The following ANK3 variants were observed in gnomAD, a reference collection of about 807,000 sequenced individuals.
ANK3 encodes ankyrin-3.
ANK3 carries 57 observed loss-of-function variants against 370.9 expected under a neutral mutation model. The observed-to-expected ratio is 0.15, with a 90% CI of 0.12 to 0.19. ANK3 has a LOEUF of 0.19. ANK3 is among the 10% of genes least tolerant of loss of function. The probability of loss-of-function intolerance (pLI) is 1.00; values close to 1 mark genes in which losing one functional copy is unlikely to be tolerated. For synonymous variants in ANK3, 1,929 were observed against 1,946.3 expected (o/e 0.99, Z 0.23); for missense variants, 4,439 against 5,302.1 (o/e 0.84, Z 5.06).
chr10:60,441,849 C>A (rs1263448708), intron 2 of ANK3, among the ~76,000 whole-genome samples: 1 of 152,036 alleles, frequency 6.6e-6, no homozygotes, highest in Non-Finnish European at 1.5e-5. Flanking sequence ...ATAAACTAAC[C>A]AAGAGAATTT....
intron 1 of ANK3, among the ~76,000 whole-genome samples, chr10:60,640,371 T>C (rs570116242): frequency 0.012 from 1,840 of 147,942 alleles, 37 homozygotes; most frequent in African/African-American, 0.044. Flanking sequence ...TTGATGAACA[T>C]TGATGCAAAA....
rs1421895509 is a variant in ANK3, at chr10:60,053,771, T to G, written c.13065+1887A>C. On this transcript the variant is annotated intron_variant, in intron 42 of 43. Coordinates refer to ENST00000280772, the MANE Select transcript of ANK3 (RefSeq NM_020987.5). ...AAAAGGGGGCTGTTTTCTGAGATCA[T>G]ACATCAGATGACCTAGTTGGTTGCT... 18 of 1,293,268 alleles carry G rather than the reference T, an allele frequency of 1.4e-5. No individual in the cohort carries two copies. In the Admixed American group the frequency reaches 3.5e-4, roughly 25 times the overall value. The allele number at this position is 1,293,268 out of a possible 1,614,324, so 80.1% of individuals were successfully genotyped here.
At chr10:60,732,154 G>A (rs58881788) in intron 1 of ANK3, among the ~76,000 whole-genome samples, 2,350 of 151,774 alleles carry the variant, frequency 0.015, 67 homozygotes, top group African/African-American at 0.054. Flanking sequence ...ATTCTTCTGC[G>A]AAAATAGTTA....
At chr10:60,407,414 C>A (rs1052105667) in intron 2 of ANK3, among the ~76,000 whole-genome samples, 4 of 152,154 alleles carry the variant, frequency 2.6e-5, no homozygotes, top group Non-Finnish European at 5.9e-5. Flanking sequence ...CCATTTCTCA[C>A]TTAATTAATA....
At chr10:60,210,238 C>A (rs1266478585) in intron 9 of ANK3, among the ~76,000 whole-genome samples, 1 of 152,084 alleles carries the variant, frequency 6.6e-6, no homozygotes, top group African/African-American at 2.4e-5. Context: ...AGCAAGTAAA[C>A]AAGCATATAA....
At chr10:60,262,639 A>C (rs541055735) in intron 6 of ANK3, among the ~76,000 whole-genome samples, 24 of 152,326 alleles carry the variant, frequency 1.6e-4, no homozygotes, top group Admixed American at 4.6e-4. Flanking sequence ...CTAATTTGTT[A>C]GCAAGCTTCT....
chr10:60,703,492 G>A (rs915738048), intron 1 of ANK3, among the ~76,000 whole-genome samples: 1 of 152,084 alleles, frequency 6.6e-6, no homozygotes, highest in Non-Finnish European at 1.5e-5. Context: ...GATTTTGTAT[G>A]TTTTAAATTG....
chr10:60,189,340 G>A (rs2096422061), intron 16 of ANK3, among the ~76,000 whole-genome samples: 2 of 152,140 alleles, frequency 1.3e-5, no homozygotes, highest in African/African-American at 2.4e-5. Flanking sequence ...AACTCTGAGA[G>A]AGACAGAGAG....
intron 1 of ANK3, among the ~76,000 whole-genome samples, chr10:60,314,906 G>C (rs529730163): frequency 2.6e-5 from 4 of 152,164 alleles, no homozygotes; most frequent in African/African-American, 9.7e-5. Context: ...TTGTGTTCTG[G>C]ATCTCAGAGT....
chr10:60,308,364 A>G (rs2045625878), intron 1 of ANK3, among the ~76,000 whole-genome samples: 1 of 127,926 alleles, frequency 7.8e-6, no homozygotes, highest in Non-Finnish European at 1.5e-5. Flanking sequence ...CCGTGGCATG[A>G]TCTCGGCTCA....
rs150193590 is a variant in ANK3, at chr10:60,486,727, C to A, written c.96+128459G>T. On this transcript the variant is annotated intron_variant, in intron 2 of 43. Coordinates refer to the ANK3 transcript ENST00000373827. ...CTTAAGACATTCCAAGCCATGGAATCTTAAGCTAAGAAATAAAAGTTTAAC... is the reference window on the plus strand; with the variant it reads ...CTTAAGACATTCCAAGCCATGGAATATTAAGCTAAGAAATAAAAGTTTAAC... Among the ~76,000 whole-genome samples, 331 of 152,258 alleles carry A rather than the reference C, an allele frequency of 2.2e-3. 2 individuals are homozygous for A. The highest frequency in any genetic ancestry group is 7.6e-3 in the African/African-American group (314 of 41,562).
intron 42 of ANK3, among the ~76,000 whole-genome samples, chr10:60,048,959 C>T (rs2131887382): frequency 6.6e-6 from 1 of 152,310 alleles, no homozygotes; most frequent in East Asian, 1.9e-4. Flanking sequence ...GTTCCCATGT[C>T]ATATTCACCA....
intron 1 of ANK3, among the ~76,000 whole-genome samples, chr10:60,384,494 C>T (rs1261499301): frequency 1.3e-5 from 2 of 152,138 alleles, no homozygotes; most frequent in African/African-American, 2.4e-5. Flanking sequence ...CCATATACTA[C>T]ATACCTTGTA....
chr10:60,099,307 T>C (rs1403783668), intron 28 of ANK3, among the ~76,000 whole-genome samples: 1 of 152,202 alleles, frequency 6.6e-6, no homozygotes, highest in African/African-American at 2.4e-5. Flanking sequence ...CAACAGACTA[T>C]GATGAACTGA....
At chr10:60,527,812 G>A (rs1456861940) in intron 2 of ANK3, among the ~76,000 whole-genome samples, 1 of 152,092 alleles carries the variant, frequency 6.6e-6, no homozygotes. Context: ...AAGCATTTCA[G>A]GGAAAAGCTG....
At chr10:60,325,939 C>T (rs542319377) in intron 1 of ANK3, among the ~76,000 whole-genome samples, 2 of 152,178 alleles carry the variant, frequency 1.3e-5, no homozygotes, top group Non-Finnish European at 2.9e-5. Flanking sequence ...CCATGGGATA[C>T]TATGCAGCCA....
chr10:60,186,764 A>G lies in ANK3; in HGVS notation c.2036T>C (p.Met679Thr). ...HLAAQEGHVDMVSLLLGRNAN... is the reference protein window; with the variant it reads ...HLAAQEGHVDTVSLLLGRNAN... ...ATTTCTACCGAGGAGCAGCGACACC[A>G]TGTCCACGTGCCCTTCCTGAGCTGC... is the stretch of plus-strand genomic sequence containing the variant. Residue 679 changes from methionine (M) to threonine (T), a missense_variant, in exon 17 of 44, where the codon ATG becomes ACG. By Grantham distance (81) the Met-to-Thr change is moderately conservative. Around this residue, in one of 13 missense-constraint regions of ANK3, gnomAD observed 192 missense variants for 192.1 expected, o/e 1.00. Transcript: ENST00000280772. The G allele has an allele frequency of 6.2e-7, 1 of 1,614,152 alleles. No individual in the cohort carries two copies. Among genetic ancestry groups the G allele is most frequent in the South Asian group, 1.1e-5 (1 of 91,084 alleles).
chr10:60,588,750 TA>T (rs71018910), intron 2 of ANK3, among the ~76,000 whole-genome samples: 102,098 of 150,904 alleles, frequency 0.68, 35,209 homozygotes, highest in South Asian at 0.88. Flanking sequence ...CTACAGAAAA[TA>T]AAAAAAAACA....
chr10:60,053,822 G>A, intron 42 of ANK3: 3 of 1,000,476 alleles, frequency 3.0e-6, no homozygotes, highest in Admixed American at 2.9e-5. Flanking sequence ...AGCCACAAAC[G>A]ATACATCCTA....
Sources: gnomAD v4.1 joint callset for allele counts (sites outside exome capture counted in the v4.1 genomes callset) on GRCh38, gnomAD v4.1.1 for gene constraint, gnomAD v4.1.1 regional missense constraint, MANE v1.5 for transcripts, NCBI Gene and HGNC (gene_info 2026-07-23, HGNC 2026-07-21) for gene names.